CAST: variants seen among roughly 807,000 people sequenced by gnomAD.
CAST encodes the protein calpastatin, also known as MIR583 host.
CAST carries 76 observed loss-of-function variants against 119.6 expected under a neutral mutation model. The observed-to-expected ratio is 0.64, with a 90% confidence interval of 0.53 to 0.77. The LOEUF is 0.77. CAST is among the 30% of genes least tolerant of loss of function. The probability of loss-of-function intolerance (pLI) is 0.00; values close to 1 mark genes in which losing one functional copy is unlikely to be tolerated. For synonymous variants in CAST, 319 were observed against 331.6 expected, an observed-to-expected ratio of 0.96 and a Z score of 0.41; for missense variants, 953 against 946.5, an observed-to-expected ratio of 1.01 and a Z score of -0.09.
Position 96,704,316 on chromosome 5 carries a change from G to A in CAST, c.210+8409G>A, listed in dbSNP as rs183443320. Among the ~76,000 whole-genome samples, 352 of 152,290 alleles carry A rather than the reference G, an allele frequency of 2.3e-3. 1 individual carries two copies. The highest frequency in any genetic ancestry group is 3.4e-3 in the Middle Eastern group (1 of 294). ...TATATAGAATTAGTGGGGAGTTTTG[G>A]TTCCTTGATTATTCTCTGGCAGAAT... On this transcript the variant is annotated intron_variant, in intron 3 of 31. Transcript: ENST00000675179.
chr5:96,080,866 C>G, the CAST span, among the ~76,000 whole-genome samples: 125 of 152,292 alleles, frequency 8.2e-4, no homozygotes, highest in African/African-American at 2.7e-3. Context: ...GAGCTAGGCA[C>G]AATTTCCCTT....
the CAST span, among the ~76,000 whole-genome samples, chr5:96,295,229 C>T: frequency 6.6e-6 from 1 of 152,022 alleles, no homozygotes; most frequent in Admixed American, 6.6e-5. Flanking sequence ...AATCGAATGC[C>T]CCCCATGGAG....
intron 1 of CAST, among the ~76,000 whole-genome samples, chr5:96,607,260 C>T (rs1747276904): frequency 6.6e-6 from 1 of 152,192 alleles, no homozygotes; most frequent in African/African-American, 2.4e-5. Context: ...TGCACTCCAG[C>T]CTGGGCGACA....
At chr5:96,082,871 C>G in the CAST span, among the ~76,000 whole-genome samples, 1 of 152,136 alleles carries the variant, frequency 6.6e-6, no homozygotes, top group Non-Finnish European at 1.5e-5. Flanking sequence ...ATTTCACTCC[C>G]TACAGATACC....
intron 3 of CAST, among the ~76,000 whole-genome samples, chr5:96,716,394 C>T (rs750725486): frequency 4.6e-5 from 7 of 152,162 alleles, no homozygotes; most frequent in Non-Finnish European, 1.0e-4. Context: ...GAATTTCTGA[C>T]GATCAAATAA....
intron 1 of CAST, among the ~76,000 whole-genome samples, chr5:96,603,987 A>G (rs1397378341): frequency 6.6e-6 from 1 of 152,000 alleles, no homozygotes; most frequent in Non-Finnish European, 1.5e-5. Context: ...CTAGACTTGT[A>G]TTCCTGTGCT....
intron 1 of CAST, among the ~76,000 whole-genome samples, chr5:96,617,815 A>C (rs1186441943): frequency 2.1e-5 from 3 of 144,890 alleles, no homozygotes; most frequent in Non-Finnish European, 3.0e-5. Flanking sequence ...AAAAAAAAAA[A>C]AAAAAAAAAA....
the CAST span, among the ~76,000 whole-genome samples, chr5:96,190,242 T>C: frequency 3.9e-5 from 6 of 152,206 alleles, no homozygotes; most frequent in African/African-American, 1.2e-4. Context: ...TCAGTATCTT[T>C]AGGTGCCTGC....
At chr5:96,616,748 A>C (rs200370572) in intron 1 of CAST, among the ~76,000 whole-genome samples, 2,485 of 105,202 alleles carry the variant, frequency 0.024, 52 homozygotes, top group African/African-American at 0.065. Flanking sequence ...CTCTCTCTAT[A>C]TATATACACA....
chr5:96,494,027 C>T, the CAST span, among the ~76,000 whole-genome samples: 1 of 152,116 alleles, frequency 6.6e-6, no homozygotes, highest in South Asian at 2.1e-4. Flanking sequence ...GAACAAGACT[C>T]CGTCTCAAAA....
At chr5:95,996,640 C>T in the CAST span, among the ~76,000 whole-genome samples, 1 of 152,066 alleles carries the variant, frequency 6.6e-6, no homozygotes, top group South Asian at 2.1e-4. Context: ...CATGATGTGT[C>T]TTTCTTATAA....
At chr5:96,599,911 C>T (rs1370398601) in intron 1 of CAST, among the ~76,000 whole-genome samples, 1 of 149,968 alleles carries the variant, frequency 6.7e-6, no homozygotes, top group African/African-American at 2.5e-5. Flanking sequence ...TTATTTAATT[C>T]CCACATTTCC....
chr5:96,481,106 A>G, the CAST span, among the ~76,000 whole-genome samples: 2 of 137,028 alleles, frequency 1.5e-5, no homozygotes, highest in African/African-American at 3.2e-5. Flanking sequence ...GCTCTCAATC[A>G]AAGTTTTTTT....
intron 1 of CAST, among the ~76,000 whole-genome samples, chr5:96,597,037 C>T (rs942077309): frequency 2.0e-5 from 3 of 152,160 alleles, no homozygotes; most frequent in Admixed American, 6.5e-5. Context: ...TCTCCTAATA[C>T]AGTCATATTG....
At chr5:96,192,419 T>C in the CAST span, among the ~76,000 whole-genome samples, 9 of 152,212 alleles carry the variant, frequency 5.9e-5, no homozygotes, top group Admixed American at 3.9e-4. Flanking sequence ...TTTAGATGAA[T>C]TCAAACTTCT....
At chr5:96,229,754 TTTC>T in the CAST span, among the ~76,000 whole-genome samples, 3 of 152,208 alleles carry the variant, frequency 2.0e-5, no homozygotes, top group African/African-American at 7.2e-5. Context: ...TTAGGAGACA[TTTC>T]TTCTTTACAT....
the CAST span, among the ~76,000 whole-genome samples, chr5:96,155,795 T>C: frequency 1.3e-5 from 2 of 152,190 alleles, no homozygotes. Flanking sequence ...ATTCAATCCT[T>C]GCTCCTATGT....
the CAST span, among the ~76,000 whole-genome samples, chr5:95,995,707 C>T: frequency 2.6e-5 from 4 of 152,088 alleles, no homozygotes; most frequent in Non-Finnish European, 4.4e-5. Context: ...AGAGCATTTA[C>T]GTATGATAAA....
the CAST span, among the ~76,000 whole-genome samples, chr5:96,186,256 A>G: frequency 1.1e-3 from 169 of 152,268 alleles, no homozygotes; most frequent in African/African-American, 3.8e-3. Context: ...GGCTGAGACA[A>G]TGGGGTTTTC....
Sources: allele counts gnomAD v4.1 joint callset (sites outside exome capture counted in the v4.1 genomes callset), GRCh38; gene constraint gnomAD v4.1.1; transcripts MANE v1.5; gene names NCBI Gene and HGNC (gene_info 2026-07-23, HGNC 2026-07-21).